PLCH1: variants seen among roughly 807,000 people sequenced by gnomAD.
PLCH1 encodes phospholipase C eta 1.
In PLCH1, 60 loss-of-function variants were observed where a neutral mutation model predicts 126.7. That is an observed-to-expected ratio of 0.47 (90% CI 0.38 to 0.59). The LOEUF (loss-of-function observed/expected upper bound fraction) is 0.59, where lower values mean the gene tolerates loss of function less well. PLCH1 is among the 20% of genes least tolerant of loss of function. PLCH1 has a pLI of 0.00. For synonymous variants in PLCH1, 719 were observed against 734.9 expected (o/e 0.98, Z 0.35); for missense variants, 1,723 against 2,040.0 (o/e 0.84, Z 2.99).
chr3:155,550,188 T>C lies in PLCH1; in HGVS notation c.1191-230A>G, dbSNP rs988696611. Among the ~76,000 whole-genome samples the C allele has an allele frequency of 2.6e-5, 4 of 152,226 alleles. No individual in the cohort carries two copies. The East Asian group carries it at 5.8e-4, about 22-fold the overall frequency. On this transcript the variant is annotated intron_variant, in intron 9 of 22. Coordinates refer to ENST00000460012, the MANE Select transcript of PLCH1 (RefSeq NM_014996.4). The stretch of plus-strand genomic sequence containing the variant: ...TGGATGAACAAAATACCAATCCACA[T>C]GGGATGGCTTTTCTAATATTTTGCA...
At chr3:155,726,488 T>G (rs1748331747) in intron 1 of PLCH1, among the ~76,000 whole-genome samples, 2 of 152,222 alleles carry the variant, frequency 1.3e-5, no homozygotes, top group African/African-American at 2.4e-5. Flanking sequence ...CTTTATCTTT[T>G]GTGTTCTGCA....
At chr3:155,647,554 C>A (rs905647380) in intron 2 of PLCH1, among the ~76,000 whole-genome samples, 5 of 151,846 alleles carry the variant, frequency 3.3e-5, no homozygotes, top group Non-Finnish European at 7.4e-5. Context: ...CCACAAAGAG[C>A]ATTAGGAAAA....
intron 1 of PLCH1, among the ~76,000 whole-genome samples, chr3:155,724,813 T>TTGTGTGTGTGTGTGTGTG (rs60805589): frequency 4.3e-4 from 60 of 140,154 alleles, no homozygotes; most frequent in African/African-American, 1.5e-3. Context: ...TTGGGGGGTT[T>TTGTGTGTGTGTGTGTGTG]TGTGTGTGTG....
intron 2 of PLCH1, among the ~76,000 whole-genome samples, chr3:155,666,251 T>C (rs1290581042): frequency 1.3e-5 from 2 of 152,232 alleles, no homozygotes. Flanking sequence ...ACTAGTGGTG[T>C]ATAAAAGTGC....
At chr3:155,686,986 T>C (rs1311131734) in intron 2 of PLCH1, among the ~76,000 whole-genome samples, 2 of 152,206 alleles carry the variant, frequency 1.3e-5, no homozygotes, top group Non-Finnish European at 2.9e-5. Context: ...TAAAATAATC[T>C]GTACACATAA....
At chr3:155,568,193 A>T (rs1262173434) in intron 7 of PLCH1, 38 bp downstream of exon 7, 1 of 921,104 alleles carries the variant, frequency 1.1e-6, no homozygotes, top group Non-Finnish European at 1.8e-6. Context: ...AACAGGCTGA[A>T]TCAAGAAATG....
chr3:155,475,134 C>G (rs1203107916), downstream of PLCH1, among the ~76,000 whole-genome samples: 1 of 149,498 alleles, frequency 6.7e-6, no homozygotes, highest in Non-Finnish European at 1.5e-5. Flanking sequence ...GAGCACAATG[C>G]AATAAAACTA....
At chr3:155,620,523 A>G (rs573170167) in intron 2 of PLCH1, among the ~76,000 whole-genome samples, 18 of 152,368 alleles carry the variant, frequency 1.2e-4, no homozygotes, top group African/African-American at 4.3e-4. Flanking sequence ...TAAAAATTGT[A>G]TCACACAATG....
chr3:155,619,674 C>A (rs1160430273), intron 2 of PLCH1, among the ~76,000 whole-genome samples: 1 of 152,032 alleles, frequency 6.6e-6, no homozygotes, highest in Non-Finnish European at 1.5e-5. Flanking sequence ...ATACTCCCTA[C>A]CCCCATCCAA....
intron 10 of PLCH1, among the ~76,000 whole-genome samples, chr3:155,539,246 G>T (rs1468630943): frequency 6.6e-6 from 1 of 151,948 alleles, no homozygotes; most frequent in Non-Finnish European, 1.5e-5. Flanking sequence ...GCATAGAAGG[G>T]ACATACCTTA....
chr3:155,488,562 T>G, intron 20 of PLCH1, 98 bp downstream of exon 20: 1 of 1,036,720 alleles, frequency 9.6e-7, no homozygotes. Context: ...ACACATATTT[T>G]ATCACGTATG....
At chr3:155,463,993 G>A (rs1353539717) in intron 21 of PLCH1, among the ~76,000 whole-genome samples, 1 of 152,192 alleles carries the variant, frequency 6.6e-6, no homozygotes, top group Non-Finnish European at 1.5e-5. Flanking sequence ...AGGGAAAAGG[G>A]ACAAGGCATG....
chr3:155,566,702 A>T (rs563002316), intron 7 of PLCH1, among the ~76,000 whole-genome samples: 207 of 152,302 alleles, frequency 1.4e-3, no homozygotes, highest in African/African-American at 4.9e-3. Context: ...TAGTCCTTTA[A>T]GATTATTTAG....
intron 8 of PLCH1, among the ~76,000 whole-genome samples, chr3:155,556,524 G>A (rs1726844166): frequency 6.6e-6 from 1 of 152,182 alleles, no homozygotes. Flanking sequence ...CAATGTGATT[G>A]TAATGGTTAA....
intron 2 of PLCH1, among the ~76,000 whole-genome samples, chr3:155,630,056 G>A (rs544290709): frequency 8.5e-5 from 13 of 152,194 alleles, no homozygotes; most frequent in Admixed American, 1.3e-4. Flanking sequence ...TGTAAGCTCC[G>A]TAAGGACAGA....
chr3:155,620,738 T>C (rs1329184292), intron 2 of PLCH1, among the ~76,000 whole-genome samples: 2 of 152,062 alleles, frequency 1.3e-5, no homozygotes, highest in South Asian at 4.1e-4. Context: ...AGGCCATCTC[T>C]GAAAAAAAGG....
At chr3:155,476,576 T>C (rs541279805), downstream of PLCH1, among the ~76,000 whole-genome samples, 1 of 152,108 alleles carries the variant, frequency 6.6e-6, no homozygotes, top group Admixed American at 6.6e-5. Context: ...TTAGTAGAAC[T>C]GATAAACAAA....
chr3:155,612,203 C>T (rs936457299), intron 2 of PLCH1, among the ~76,000 whole-genome samples: 2 of 151,792 alleles, frequency 1.3e-5, no homozygotes, highest in African/African-American at 4.8e-5. Flanking sequence ...GTGGCAGGTG[C>T]CTGTAATCCC....
chr3:155,521,438 TGA>T (rs1042796240), intron 11 of PLCH1, among the ~76,000 whole-genome samples: 1 of 152,238 alleles, frequency 6.6e-6, no homozygotes, highest in Non-Finnish European at 1.5e-5. Context: ...CATGACCTCA[TGA>T]GAGTTGGTGT....
Sources: gnomAD v4.1 joint callset for allele counts (sites outside exome capture counted in the v4.1 genomes callset) on GRCh38, gnomAD v4.1.1 for gene constraint, MANE v1.5 for transcripts, NCBI Gene and HGNC (gene_info 2026-07-23, HGNC 2026-07-21) for gene names.